SERPINB10: variants seen among roughly 807,000 people sequenced by gnomAD.
SERPINB10 encodes the protein serpin family B member 10, also known as serpin B10.
A neutral mutation model predicts 39.1 loss-of-function variants in SERPINB10; 35 were observed. The ratio of observed to expected loss-of-function variants is 0.90; its 90% confidence interval spans 0.68 to 1.19. The LOEUF is 1.19. Ranked by LOEUF, SERPINB10 falls within the 50% of genes most tolerant of loss-of-function variation. The pLI is 0.00. For synonymous variants in SERPINB10, 190 were observed against 158.1 expected (o/e 1.20, Z -1.52); for missense variants, 546 against 460.5 (o/e 1.19, Z -1.70).
At chr18:63,930,762 G>A (rs984682320) in intron 6 of SERPINB10, among the ~76,000 whole-genome samples, 1 of 152,040 alleles carries the variant, frequency 6.6e-6, no homozygotes, top group Non-Finnish European at 1.5e-5. Context: ...CTTCTCTCAG[G>A]TTGTGGTCTA....
At position 63,932,924 on chromosome 18, in the gene SERPINB10, G is replaced by A. The variant is rs1024536725; in HGVS notation, c.634-124G>A. The A allele has an allele frequency of 1.8e-5, 15 of 846,540 alleles. No homozygotes were observed. The African/African-American group carries it at 2.6e-4, about 14-fold the overall frequency. 52.4% of individuals were successfully genotyped at this position (846,540 alleles called of 1,614,324 possible). On this transcript the variant is annotated intron_variant, in intron 6 of 7. Transcript: ENST00000238508. ...AGGAAGGTCTGGATAACTTTATTCA[G>A]CATTTAGCAGAGAATCAGCAGTTTC...
At chr18:63,908,352 G>A (rs1421197188) in intron 1 of SERPINB10, among the ~76,000 whole-genome samples, 1 of 152,048 alleles carries the variant, frequency 6.6e-6, no homozygotes, top group African/African-American at 2.4e-5. Context: ...ATCATCAGTG[G>A]AGTTTCCTCC....
At chr18:63,924,664 A>G (rs2050168414) in intron 5 of SERPINB10, among the ~76,000 whole-genome samples, 2 of 151,962 alleles carry the variant, frequency 1.3e-5, no homozygotes, top group South Asian at 4.1e-4. Flanking sequence ...AACAAGCTCC[A>G]TGAATGCATG....
chr18:63,932,222 G>C (rs549934179), intron 6 of SERPINB10, among the ~76,000 whole-genome samples: 1 of 152,272 alleles, frequency 6.6e-6, no homozygotes, highest in African/African-American at 2.4e-5. Flanking sequence ...ACTACACTGT[G>C]TGCAAGTTTT....
chr18:63,925,144 A>G (rs1313410535), intron 5 of SERPINB10, among the ~76,000 whole-genome samples: 1 of 152,044 alleles, frequency 6.6e-6, no homozygotes, highest in Admixed American at 6.6e-5. Flanking sequence ...GCAAAGACAA[A>G]GGCTACAATG....
intron 5 of SERPINB10, among the ~76,000 whole-genome samples, chr18:63,924,117 T>G (rs1229878804): frequency 6.6e-6 from 1 of 151,976 alleles, no homozygotes; most frequent in Non-Finnish European, 1.5e-5. Context: ...ATAGGGTGGA[T>G]TTTCTTACCT....
intron 5 of SERPINB10, among the ~76,000 whole-genome samples, chr18:63,929,138 C>T (rs1406118143): frequency 1.3e-5 from 2 of 151,954 alleles, no homozygotes; most frequent in African/African-American, 4.8e-5. Context: ...ATACGAAATG[C>T]CAAAACTCAA....
chr18:63,930,292 G>A, intron 6 of SERPINB10, 105 bp downstream of exon 6: 1 of 1,269,770 alleles, frequency 7.9e-7, no homozygotes, highest in East Asian at 2.3e-5. Flanking sequence ...GTGAACTATG[G>A]CTCTTACCAG....
chr18:63,926,909 G>A (rs1018845880), intron 5 of SERPINB10, among the ~76,000 whole-genome samples: 2 of 151,910 alleles, frequency 1.3e-5, no homozygotes, highest in Non-Finnish European at 2.9e-5. Context: ...TGTATCACTA[G>A]GATGTAATTA....
At chr18:63,916,579 GCAA>G (rs1487989166) in intron 2 of SERPINB10, among the ~76,000 whole-genome samples, 1 of 152,012 alleles carries the variant, frequency 6.6e-6, no homozygotes, top group African/African-American at 2.4e-5. Flanking sequence ...AACAACAACA[GCAA>G]CAACAAAATC....
At chr18:63,924,756 G>A (rs1273852817) in intron 5 of SERPINB10, among the ~76,000 whole-genome samples, 5 of 151,850 alleles carry the variant, frequency 3.3e-5, no homozygotes, top group African/African-American at 9.7e-5. Context: ...TGTATGCTGT[G>A]GTTTCCTCTA....
intron 1 of SERPINB10, among the ~76,000 whole-genome samples, chr18:63,914,226 C>T (rs989666558): frequency 6.6e-6 from 1 of 152,006 alleles, no homozygotes. Context: ...CAACTTGCCA[C>T]TCTGTGCTTT....
chr18:63,930,106 GA>G lies in SERPINB10; in HGVS notation c.554del (p.Asn185ThrfsTer14). ...ATTCCACAACCAGGATGATTCTGGT[GA>G]ACGCCCTATACTTTAAAGGAATCTG... ...VDSTTRMILV[N>X]ALYFKGIWEH... is the part of the protein sequence containing the mutation. On this transcript the variant is annotated frameshift_variant, in exon 6 of 8. Transcript: ENST00000238508. LOFTEE classifies it high-confidence loss of function. 1 of 1,613,502 alleles carries G rather than the reference GA, an allele frequency of 6.2e-7. No individual in the cohort carries two copies. Among genetic ancestry groups the G allele is most frequent in the Non-Finnish European group, 8.5e-7 (1 of 1,179,620 alleles).
At chr18:63,916,501 G>A (rs1413464532) in intron 2 of SERPINB10, among the ~76,000 whole-genome samples, 3 of 151,964 alleles carry the variant, frequency 2.0e-5, no homozygotes, top group African/African-American at 4.8e-5. Context: ...CAGAACACAT[G>A]CTATATTAGT....
chr18:63,928,454 A>T (rs1239395197), intron 5 of SERPINB10, among the ~76,000 whole-genome samples: 1 of 152,134 alleles, frequency 6.6e-6, no homozygotes, highest in African/African-American at 2.4e-5. Context: ...TTGTAACTAT[A>T]ACAATCTGAT....
intron 5 of SERPINB10, among the ~76,000 whole-genome samples, chr18:63,929,712 C>CAAAAAAAAAA (rs74169990): frequency 7.2e-5 from 7 of 97,342 alleles, no homozygotes; most frequent in Non-Finnish European, 9.9e-5. Context: ...AGCTAAAGTG[C>CAAAAAAAAAA]AAAAAAAAAA....
chr18:63,912,337 A>G (rs1054127637), intron 1 of SERPINB10, among the ~76,000 whole-genome samples: 11 of 151,870 alleles, frequency 7.2e-5, no homozygotes, highest in Non-Finnish European at 1.3e-4. Flanking sequence ...GGAGTGGTAA[A>G]GAGTAGGCAT....
intron 6 of SERPINB10, 70 bp from the exon 7 acceptor site, chr18:63,932,978 A>G (rs1188925640): frequency 7.8e-6 from 11 of 1,415,644 alleles, no homozygotes; most frequent in Non-Finnish European, 1.1e-5. Flanking sequence ...ATGGTAGAGA[A>G]TTAAGGAGTT....
chr18:63,927,038 C>T (rs991644245), intron 5 of SERPINB10, among the ~76,000 whole-genome samples: 1 of 151,888 alleles, frequency 6.6e-6, no homozygotes, highest in African/African-American at 2.4e-5. Context: ...ATTCTCCTTG[C>T]TTTCCTTATT....
Sources: gnomAD v4.1 joint callset for allele counts (sites outside exome capture counted in the v4.1 genomes callset) on GRCh38, gnomAD v4.1.1 for gene constraint, MANE v1.5 for transcripts, NCBI Gene and HGNC (gene_info 2026-07-23, HGNC 2026-07-21) for gene names.